Variants in MICAL3 observed in about 807,000 individuals in gnomAD.
The protein encoded by MICAL3 is [F-actin]-monooxygenase MICAL3.
A neutral mutation model predicts 207.4 loss-of-function variants in MICAL3; 62 were observed. The ratio of observed to expected loss-of-function variants is 0.30; its 90% CI spans 0.24 to 0.37. The LOEUF is 0.37. Among genes scored for constraint, MICAL3 ranks in the 10% least tolerant of loss-of-function variants. MICAL3 has a pLI of 1.00. For missense variants in MICAL3, 2,368 were observed against 2,635.6 expected (o/e 0.90, Z 2.22); for synonymous variants, 1,077 against 1,069.3 (o/e 1.01, Z -0.14).
intron 25 of MICAL3, among the ~76,000 whole-genome samples, chr22:17,820,363 C>T (rs1569079546): frequency 6.6e-6 from 1 of 151,546 alleles, no homozygotes; most frequent in South Asian, 2.1e-4. Flanking sequence ...CTGTAAATTT[C>T]TTTTTTTTTG....
At chr22:17,929,093 C>CTTT (rs58091241) in intron 1 of MICAL3, among the ~76,000 whole-genome samples, 27 of 137,652 alleles carry the variant, frequency 2.0e-4, no homozygotes, top group African/African-American at 6.1e-4. Flanking sequence ...GTGCCCGGCC[C>CTTT]TTTTTTTTTT....
chr22:17,864,417 C>G (rs1007086920), intron 19 of MICAL3: 1 of 1,387,588 alleles, frequency 7.2e-7, no homozygotes, highest in Admixed American at 3.0e-5. Flanking sequence ...AAGGTGAACC[C>G]AAAACAAGAC....
intron 17 of MICAL3, among the ~76,000 whole-genome samples, chr22:17,871,140 C>T (rs1317950668): frequency 6.6e-6 from 1 of 152,202 alleles, no homozygotes; most frequent in Admixed American, 6.5e-5. Context: ...GCTGGGGGTC[C>T]TCAATGCAGG....
intron 23 of MICAL3, among the ~76,000 whole-genome samples, chr22:17,822,635 C>G (rs181615742): frequency 6.6e-6 from 1 of 152,244 alleles, no homozygotes; most frequent in Non-Finnish European, 1.5e-5. Context: ...CAGCCCCCCA[C>G]AACCAGACTG....
chr22:17,848,654 G>T (rs554771989), intron 19 of MICAL3, among the ~76,000 whole-genome samples: 1 of 152,210 alleles, frequency 6.6e-6, no homozygotes, highest in Non-Finnish European at 1.5e-5. Context: ...CTGCCTCGGG[G>T]ACTTCACCAC....
intron 20 of MICAL3, among the ~76,000 whole-genome samples, chr22:17,837,237 G>A (rs964595985): frequency 1.3e-5 from 2 of 152,274 alleles, no homozygotes; most frequent in Non-Finnish European, 2.9e-5. Flanking sequence ...GGAGAGAACA[G>A]GCAGAAATCC....
Position 17,841,886 on chromosome 22 carries a change from T to C in MICAL3, c.2737A>G (p.Thr913Ala). 6.3e-7 allele frequency: 1 copy of C among 1,581,884 alleles called. No homozygotes were observed. The highest frequency in any genetic ancestry group is 8.6e-7 in the Non-Finnish European group (1 of 1,166,176). ...CTGCTCAGGTTGTGCTCGGCCTGAG[T>C]CTCCTCCGGTACCTCCTGCAGTGCC... ...AEALQEVPEE[T>A]QAEHNLSSVL... is the part of the protein sequence containing the mutation. Residue 913 changes from threonine to alanine, a missense_variant, in exon 20 of 32, where the codon ACT (threonine) becomes GCT (alanine). Coordinates refer to ENST00000441493, the MANE Select transcript of MICAL3 (RefSeq NM_015241.3). The surrounding 1 kb of genome is among the most constrained non-coding windows in gnomAD (Gnocchi z 4.2).
At chr22:17,976,666 T>A (rs1302419808) in intron 1 of MICAL3, among the ~76,000 whole-genome samples, 1 of 141,976 alleles carries the variant, frequency 7.0e-6, no homozygotes, top group South Asian at 2.4e-4. Flanking sequence ...CTCGGCTCAC[T>A]ACAAGCTTTA....
chr22:17,809,042 G>C, intron 28 of MICAL3, 105 bp from the exon 29 acceptor site: 1 of 976,510 alleles, frequency 1.0e-6, no homozygotes, highest in East Asian at 2.6e-5. Flanking sequence ...TGCCGCTCTG[G>C]AAAGGGCTCT....
chr22:17,902,796 TA>T lies in MICAL3; in HGVS notation c.473-50del. 1 of 1,181,436 alleles carries T rather than the reference TA, an allele frequency of 8.5e-7. No homozygotes were observed. The allele number at this position is 1,181,436 out of a possible 1,614,324, so 73.2% of individuals were successfully genotyped here. On this transcript the variant is annotated intron_variant, in intron 3 of 31. Transcript: ENST00000441493. This position sits in a 1 kb window ranked among gnomAD's most constrained non-coding sequence, Gnocchi z 4.5. ...TGATGGGAACACATGGAGAAGGGGGTACCCATCCGTGTCGCAGCTCAGGCTC... is the reference window on the plus strand; with the variant it reads ...TGATGGGAACACATGGAGAAGGGGGTCCCATCCGTGTCGCAGCTCAGGCTC...
chr22:17,900,787 C>T lies in MICAL3; in HGVS notation c.847+55G>A. The T allele has an allele frequency of 3.2e-6, 5 of 1,560,620 alleles. No individual in the cohort carries two copies. Among genetic ancestry groups the T allele is most frequent in the Non-Finnish European group, 3.5e-6 (4 of 1,137,138 alleles). ...ACCCCACCAATCCCCCAAGAAAAAG[C>T]CACCAGGGACTATTTAAGTTTCTAT... On this transcript the variant is annotated intron_variant, in intron 6 of 31. Transcript: ENST00000441493. The surrounding 1 kb of genome is among the most constrained non-coding windows in gnomAD (Gnocchi z 4.0).
intron 19 of MICAL3, chr22:17,864,534 T>A: frequency 6.9e-7 from 1 of 1,440,306 alleles, no homozygotes; most frequent in Non-Finnish European, 9.1e-7. Flanking sequence ...GGGAGCAGTG[T>A]CTGAGCGCCT....
At chr22:17,996,157 A>G (rs79345310) in intron 1 of MICAL3, among the ~76,000 whole-genome samples, 1 of 133,944 alleles carries the variant, frequency 7.5e-6, no homozygotes, top group Non-Finnish European at 1.6e-5. Context: ...AAAAAAAAAA[A>G]GGCTGGGCAC....
intron 17 of MICAL3, among the ~76,000 whole-genome samples, chr22:17,871,003 C>G (rs1927670190): frequency 6.6e-6 from 1 of 152,178 alleles, no homozygotes; most frequent in Non-Finnish European, 1.5e-5. Context: ...AATCTTCTAT[C>G]AATGTCAAGG....
chr22:17,880,078 G>A (rs1303166667), intron 16 of MICAL3, among the ~76,000 whole-genome samples: 2 of 152,182 alleles, frequency 1.3e-5, no homozygotes, highest in Non-Finnish European at 2.9e-5. Context: ...TTACAGCCAC[G>A]TGCGGGTGGA....
intron 1 of MICAL3, among the ~76,000 whole-genome samples, chr22:17,977,016 C>T (rs1324152601): frequency 2.0e-5 from 3 of 151,916 alleles, no homozygotes; most frequent in Non-Finnish European, 4.4e-5. Flanking sequence ...CCGTGTTAGC[C>T]AGGATGATCT....
chr22:17,791,155 G>A lies in MICAL3; in HGVS notation c.5750+47C>T, dbSNP rs376940342. The A allele has an allele frequency of 3.7e-5, 59 of 1,606,474 alleles. No homozygotes were observed. The African/African-American group carries it at 5.7e-4, about 16-fold the overall frequency. On this transcript the variant is annotated intron_variant, in intron 30 of 31. Transcript: ENST00000441493. ...CCAAATCTGGAAGGACCTCCATGCC[G>A]GCTGTGACAAGCATAGCGCTGACGC...
intron 1 of MICAL3, among the ~76,000 whole-genome samples, chr22:17,989,807 G>A (rs1187827984): frequency 2.0e-5 from 3 of 152,176 alleles, no homozygotes; most frequent in Non-Finnish European, 4.4e-5. Context: ...GGCTGACAAC[G>A]CATATAAAGC....
At chr22:17,963,094 T>C (rs574659067) in intron 1 of MICAL3, among the ~76,000 whole-genome samples, 1 of 152,234 alleles carries the variant, frequency 6.6e-6, no homozygotes, top group Non-Finnish European at 1.5e-5. Context: ...TAACTTCAGC[T>C]ACAACCTTCC....
Sources: gnomAD v4.1 joint callset for allele counts (sites outside exome capture counted in the v4.1 genomes callset) on GRCh38, gnomAD v4.1.1 for gene constraint, Gnocchi (gnomAD v3.1) non-coding constraint, MANE v1.5 for transcripts, NCBI Gene and HGNC (gene_info 2026-07-23, HGNC 2026-07-21) for gene names.